The following RGS22 variants were observed in gnomAD, a reference collection of about 807,000 sequenced individuals.
The protein encoded by RGS22 is regulator of G-protein signaling 22.
RGS22 carries 148 observed loss-of-function variants against 172.9 expected under a neutral mutation model. That is an observed-to-expected ratio of 0.86 (90% CI 0.75 to 0.98). The LOEUF is 0.98. RGS22 is among the 50% of genes least tolerant of loss of function. RGS22 has a pLI of 0.00. For missense variants in RGS22, 1,347 were observed against 1,440.8 expected, an observed-to-expected ratio of 0.93 and a Z score of 1.05; for synonymous variants, 458 against 480.2, an observed-to-expected ratio of 0.95 and a Z score of 0.60.
chr8:100,000,909 T>C (rs1207104578), intron 18 of RGS22, among the ~76,000 whole-genome samples: 1 of 152,086 alleles, frequency 6.6e-6, no homozygotes, highest in African/African-American at 2.4e-5. Flanking sequence ...GCTTTTAAAT[T>C]TGGTATGCCT....
chr8:99,982,649 G>A (rs183262862), intron 21 of RGS22, among the ~76,000 whole-genome samples: 1 of 152,266 alleles, frequency 6.6e-6, no homozygotes, highest in Middle Eastern at 3.4e-3. Flanking sequence ...CTGCTTCTAC[G>A]CCAAGGTGAT....
intron 14 of RGS22, among the ~76,000 whole-genome samples, chr8:100,036,486 A>C (rs1819488193): frequency 6.6e-6 from 1 of 152,220 alleles, no homozygotes; most frequent in African/African-American, 2.4e-5. Context: ...GGGGCAATAA[A>C]ACTTCAGCGT....
intron 27 of RGS22, 41 bp from the exon 28 acceptor site, chr8:99,961,237 T>C (rs191350203): frequency 2.7e-4 from 120 of 440,224 alleles, no homozygotes; most frequent in Non-Finnish European, 4.7e-4. Flanking sequence ...TAAACATCTA[T>C]AGAAAATATA....
At chr8:100,098,857 A>T (rs1428738239) in intron 2 of RGS22, among the ~76,000 whole-genome samples, 3 of 18,550 alleles carry the variant, frequency 1.6e-4, no homozygotes, top group South Asian at 1.5e-3. Context: ...TTATTTTATT[A>T]TTTTATTTAT....
chr8:100,044,200 G>A (rs958603250), intron 11 of RGS22, among the ~76,000 whole-genome samples: 4 of 152,144 alleles, frequency 2.6e-5, no homozygotes, highest in African/African-American at 9.7e-5. Context: ...AAAATTAGAA[G>A]GGGAGGGGAC....
chr8:100,016,944 TAC>T (rs1817034008), intron 14 of RGS22, among the ~76,000 whole-genome samples: 2 of 137,080 alleles, frequency 1.5e-5, no homozygotes, highest in South Asian at 2.5e-4. Context: ...ATAATAATAA[TAC>T]ACTCTCCCTA....
chr8:100,064,679 A>G (rs2446929), intron 7 of RGS22, among the ~76,000 whole-genome samples: 76,218 of 151,918 alleles, frequency 0.5, 19,978 homozygotes, highest in Admixed American at 0.59. Flanking sequence ...ATTCCAGACT[A>G]ATATATAATA....
intron 19 of RGS22, among the ~76,000 whole-genome samples, chr8:99,998,145 T>C (rs1588939263): frequency 6.6e-6 from 1 of 152,218 alleles, no homozygotes; most frequent in Non-Finnish European, 1.5e-5. Flanking sequence ...TCCCATTTGA[T>C]ATTGCAATGA....
At chr8:100,067,773 C>T (rs564245988) in intron 6 of RGS22, among the ~76,000 whole-genome samples, 18 of 151,782 alleles carry the variant, frequency 1.2e-4, no homozygotes, top group Admixed American at 5.3e-4. Flanking sequence ...TACAGGCGCC[C>T]ACCACCATGC....
chr8:100,089,470 C>T (rs1321538106), intron 3 of RGS22, among the ~76,000 whole-genome samples: 5 of 152,048 alleles, frequency 3.3e-5, no homozygotes, highest in Admixed American at 6.6e-5. Flanking sequence ...GGGACTACTC[C>T]ATTTCACCCC....
In RGS22 at chr8:99,962,771, C is replaced by A; in HGVS notation, c.3710-4G>T. 1 of 1,603,744 alleles carries A rather than the reference C, an allele frequency of 6.2e-7. No homozygotes were observed. The highest frequency in any genetic ancestry group is 1.1e-5 in the South Asian group (1 of 88,690). ...AAATTTGTGAGAGGTTGCAAGCCTG[C>A]ACAAAAATAAAAGAGATAAGAAAAA... On this transcript the variant is annotated splice_region_variant and splice_polypyrimidine_tract_variant and intron_variant, in intron 25 of 27. Transcript: ENST00000360863.
At chr8:100,095,522 C>T (rs3116086) in intron 2 of RGS22, among the ~76,000 whole-genome samples, 24,939 of 152,050 alleles carry the variant, frequency 0.16, 2,753 homozygotes, top group African/African-American at 0.31. Flanking sequence ...GTATTTCAGA[C>T]AGATAACTTT....
chr8:100,037,840 G>A (rs1819662214), intron 14 of RGS22, among the ~76,000 whole-genome samples: 1 of 152,168 alleles, frequency 6.6e-6, no homozygotes, highest in Non-Finnish European at 1.5e-5. Flanking sequence ...CAGAAATGGT[G>A]CTAGTAAATT....
chr8:100,060,251 T>C (rs1563684031), intron 9 of RGS22, among the ~76,000 whole-genome samples: 2 of 151,906 alleles, frequency 1.3e-5, no homozygotes, highest in East Asian at 3.9e-4. Context: ...TTTCTTTTAT[T>C]ATACTAATGT....
At chr8:100,040,239 T>A (rs1489379025) in intron 12 of RGS22, 152 bp from the exon 13 acceptor site, 4 of 647,104 alleles carry the variant, frequency 6.2e-6, no homozygotes, top group Non-Finnish European at 1.0e-5. Context: ...ATGCAGTATG[T>A]TTGCATTTGA....
intron 9 of RGS22, among the ~76,000 whole-genome samples, chr8:100,055,437 G>A (rs1174145141): frequency 2.0e-5 from 3 of 152,132 alleles, no homozygotes; most frequent in African/African-American, 7.2e-5. Flanking sequence ...TAACCTTAGG[G>A]TGCCCCCTAA....
At chr8:99,985,671 A>G (rs1399151211) in intron 21 of RGS22, among the ~76,000 whole-genome samples, 2 of 152,206 alleles carry the variant, frequency 1.3e-5, no homozygotes, top group South Asian at 2.1e-4. Context: ...CTCCTATAGC[A>G]TGCTTTTTAA....
chr8:100,025,752 A>G (rs190595394), intron 14 of RGS22, among the ~76,000 whole-genome samples: 11 of 152,364 alleles, frequency 7.2e-5, no homozygotes, highest in Admixed American at 2.0e-4. Flanking sequence ...CACTTATGCC[A>G]TAAAGTTTTT....
At chr8:100,100,060 T>C (rs1293859634) in intron 2 of RGS22, among the ~76,000 whole-genome samples, 1 of 152,190 alleles carries the variant, frequency 6.6e-6, no homozygotes, top group Non-Finnish European at 1.5e-5. Context: ...CTTTATTCTA[T>C]ACAGTTGTCC....
Sources: allele counts gnomAD v4.1 joint callset (sites outside exome capture counted in the v4.1 genomes callset), GRCh38; gene constraint gnomAD v4.1.1; transcripts MANE v1.5; gene names NCBI Gene and HGNC (gene_info 2026-07-23, HGNC 2026-07-21).